SOX6: variants seen among roughly 807,000 people sequenced by gnomAD.
The protein encoded by SOX6 is transcription factor SOX-6.
In SOX6, 11 loss-of-function variants were observed where a neutral mutation model predicts 97.8. The observed-to-expected ratio is 0.11, with a 90% CI of 0.07 to 0.19. SOX6 has a LOEUF of 0.19. SOX6 is among the 10% of genes least tolerant of loss of function. SOX6 has a pLI of 1.00. For missense variants in SOX6, 810 were observed against 1,039.5 expected (o/e 0.78, Z 3.04); for synonymous variants, 360 against 371.4 (o/e 0.97, Z 0.35).
chr11:16,158,208 T>C (rs1850651639), intron 6 of SOX6, among the ~76,000 whole-genome samples: 1 of 152,004 alleles, frequency 6.6e-6, no homozygotes. Flanking sequence ...TTTCAATGCA[T>C]CTAGACACTG....
chr11:16,519,896 G>A (rs1305876759), intron 4 of SOX6, among the ~76,000 whole-genome samples: 1 of 152,104 alleles, frequency 6.6e-6, no homozygotes, highest in Non-Finnish European at 1.5e-5. Context: ...ATTTTGACTG[G>A]TGTGAGATGC....
chr11:16,003,172 C>T (rs537812308), intron 13 of SOX6, among the ~76,000 whole-genome samples: 1 of 152,124 alleles, frequency 6.6e-6, no homozygotes, highest in Non-Finnish European at 1.5e-5. Flanking sequence ...CGTGACCTGG[C>T]CCTCCAACTA....
At position 16,637,913 on chromosome 11, in the gene SOX6, C is replaced by CT. The variant is rs879508621; in HGVS notation, n.430-25654dup. Among the ~76,000 whole-genome samples the CT allele has an allele frequency of 2.6e-3, 362 of 137,504 alleles. 1 individual carries two copies. The highest frequency in any genetic ancestry group is 8.9e-3 in the South Asian group (38 of 4,260). 90.2% of individuals were successfully genotyped at this position (137,504 alleles called of 152,430 possible). On this transcript the variant is annotated intron_variant and non_coding_transcript_variant, in intron 3 of 5. Transcript: ENST00000524520. ...ATTTTTTTGGACATAGGGTCTCATT[C>CT]TTTTTTTTTTTTTTTATACTTTAAG...
Position 16,702,381 on chromosome 11 carries a change from A to AT in SOX6, n.429+12448dup, listed in dbSNP as rs888734621. Among the ~76,000 whole-genome samples the AT allele has an allele frequency of 1.6e-4, 24 of 152,258 alleles. 1 individual carries two copies. The highest frequency in any genetic ancestry group is 5.8e-4 in the African/African-American group (24 of 41,542). ...AGTAATTTCCAATCACTTACTACAGATTTTTTTAATCGTCTACTGGTCTTT... is the reference window on the plus strand; with the variant it reads ...AGTAATTTCCAATCACTTACTACAGATTTTTTTTAATCGTCTACTGGTCTTT... On this transcript the variant is annotated intron_variant and non_coding_transcript_variant, in intron 3 of 5. Transcript: ENST00000524520.
chr11:16,560,506 C>T (rs958684543), intron 4 of SOX6, among the ~76,000 whole-genome samples: 1 of 138,594 alleles, frequency 7.2e-6, no homozygotes, highest in Non-Finnish European at 1.6e-5. Context: ...TATGTTTATA[C>T]GTACATATAT....
intron 4 of SOX6, among the ~76,000 whole-genome samples, chr11:16,517,651 T>C (rs1701461729): frequency 1.3e-5 from 2 of 152,166 alleles, no homozygotes; most frequent in South Asian, 4.1e-4. Flanking sequence ...TTACACCCAA[T>C]GTTAGGACTT....
chr11:16,546,011 T>A (rs1206374260), intron 4 of SOX6, among the ~76,000 whole-genome samples: 5 of 151,892 alleles, frequency 3.3e-5, no homozygotes, highest in Non-Finnish European at 7.4e-5. Flanking sequence ...AGTTGCAGGA[T>A]ACAAAATCAA....
chr11:16,103,017 T>C (rs1185580356), intron 7 of SOX6, among the ~76,000 whole-genome samples: 5 of 151,878 alleles, frequency 3.3e-5, no homozygotes, highest in Non-Finnish European at 7.4e-5. Context: ...AAAGCAAAGA[T>C]AAATAGATGG....
chr11:16,496,525 C>G (rs1860599742), intron 4 of SOX6, among the ~76,000 whole-genome samples: 1 of 152,226 alleles, frequency 6.6e-6, no homozygotes, highest in Non-Finnish European at 1.5e-5. Context: ...CAAGGCATCG[C>G]CTCACCCGGG....
At position 16,336,785 on chromosome 11, in the gene SOX6, C is replaced by T. The variant is rs550000280; in HGVS notation, c.237+4227G>A. ...TCATTTCATACCATTCTCTGCCTCACCAGCCACTCTGTTGTTTTCTGTTTC... is the reference window on the plus strand; with the variant it reads ...TCATTTCATACCATTCTCTGCCTCATCAGCCACTCTGTTGTTTTCTGTTTC... On this transcript the variant is annotated intron_variant, in intron 2 of 15. Coordinates refer to ENST00000683767, the MANE Select transcript of SOX6 (RefSeq NM_001367873.1). Among the ~76,000 whole-genome samples, 5 of 152,266 alleles carry T rather than the reference C, an allele frequency of 3.3e-5. No homozygotes were observed. In the South Asian group the frequency reaches 1.0e-3, roughly 32 times the overall value.
At chr11:16,502,065 A>G (rs988198012) in intron 4 of SOX6, among the ~76,000 whole-genome samples, 2 of 152,360 alleles carry the variant, frequency 1.3e-5, no homozygotes, top group East Asian at 3.9e-4. Context: ...ACCAAGCCTA[A>G]TGTCCAACAA....
intron 4 of SOX6, among the ~76,000 whole-genome samples, chr11:16,533,921 T>C (rs758927987): frequency 3.3e-5 from 5 of 152,146 alleles, no homozygotes; most frequent in Non-Finnish European, 7.4e-5. Flanking sequence ...CAAATAACAC[T>C]ACATCTGTTG....
At chr11:16,713,521 G>A (rs926143848) in intron 3 of SOX6, among the ~76,000 whole-genome samples, 13 of 152,188 alleles carry the variant, frequency 8.5e-5, no homozygotes, top group South Asian at 8.3e-4. Context: ...TTAAAAAGGA[G>A]AAATCATACT....
intron 2 of SOX6, among the ~76,000 whole-genome samples, chr11:16,330,431 T>G (rs188727527): frequency 1.3e-5 from 2 of 152,210 alleles, no homozygotes; most frequent in African/African-American, 4.8e-5. Context: ...GGCACACACC[T>G]GTAATCCCAG....
In SOX6 at chr11:15,988,962, G is replaced by T. The variant is rs1038028153; in HGVS notation, c.1966+35C>A. 79 of 1,584,092 alleles carry T rather than the reference G, an allele frequency of 5.0e-5. No homozygotes were observed. The Admixed American group carries it at 1.3e-3, about 26-fold the overall frequency. On this transcript the variant is annotated intron_variant, in intron 14 of 15. Transcript: ENST00000683767. Reference sequence around the variant, plus strand: ...GGTGGCACTCATGGGATTTGCAGGGGAGAAGATCAGCTTTAGCTGCACTGC... The same window carrying T: ...GGTGGCACTCATGGGATTTGCAGGGTAGAAGATCAGCTTTAGCTGCACTGC...
At chr11:16,175,675 CT>C (rs1421521000) in intron 6 of SOX6, among the ~76,000 whole-genome samples, 1 of 151,920 alleles carries the variant, frequency 6.6e-6, no homozygotes, top group East Asian at 1.9e-4. Flanking sequence ...TTAAAAAACA[CT>C]TTTAAAAAAT....
At chr11:16,003,351 C>T (rs1034392981) in intron 13 of SOX6, among the ~76,000 whole-genome samples, 5 of 151,986 alleles carry the variant, frequency 3.3e-5, no homozygotes, top group Admixed American at 2.0e-4. Flanking sequence ...TTATTGAAGA[C>T]TCGTCTCAGG....
At chr11:16,128,466 TA>T (rs765112380) in intron 6 of SOX6, among the ~76,000 whole-genome samples, 3 of 152,162 alleles carry the variant, frequency 2.0e-5, no homozygotes, top group Non-Finnish European at 4.4e-5. Flanking sequence ...AAATGCCAGA[TA>T]AATGGCTTAT....
rs371142974 is a variant in SOX6 at position 16,239,819 on chromosome 11, G to A, written c.446-5148C>T. Among the ~76,000 whole-genome samples the A allele has an allele frequency of 2.6e-5, 4 of 151,784 alleles. No individual in the cohort carries two copies. The East Asian group carries it at 5.8e-4, about 22-fold the overall frequency. On this transcript the variant is annotated intron_variant, in intron 3 of 15. Coordinates refer to ENST00000683767, the MANE Select transcript of SOX6 (RefSeq NM_001367873.1). ...CCCTTTTGCTCCACACTCCCCTCTG[G>A]GAGTGGCCAATCTTGTCCTGGTCCT...
Sources: gnomAD v4.1 joint callset for allele counts (sites outside exome capture counted in the v4.1 genomes callset) on GRCh38, gnomAD v4.1.1 for gene constraint, MANE v1.5 for transcripts, NCBI Gene and HGNC (gene_info 2026-07-23, HGNC 2026-07-21) for gene names.